Variants in SLC27A2 observed in about 807,000 individuals in gnomAD.
SLC27A2 encodes the protein long-chain fatty acid transport protein 2.
SLC27A2 carries 54 observed loss-of-function variants against 60.0 expected under a neutral mutation model. The observed-to-expected ratio is 0.90, with a 90% CI of 0.72 to 1.13. The LOEUF is 1.13. Ranked by LOEUF, SLC27A2 falls within the 50% of genes most tolerant of loss-of-function variation. SLC27A2 has a pLI of 0.00. For missense variants in SLC27A2, 739 were observed against 777.6 expected (o/e 0.95, Z 0.59); for synonymous variants, 297 against 297.6 (o/e 1.00, Z 0.02).
intron 1 of SLC27A2, among the ~76,000 whole-genome samples, chr15:50,196,578 T>C (rs956818413): frequency 6.6e-6 from 1 of 152,178 alleles, no homozygotes; most frequent in Admixed American, 6.5e-5. Flanking sequence ...AGATAAGCGG[T>C]AGAACTGTCA....
At chr15:50,196,028 T>C (rs1207849730) in intron 1 of SLC27A2, among the ~76,000 whole-genome samples, 1 of 111,258 alleles carries the variant, frequency 9.0e-6, no homozygotes, top group Non-Finnish European at 1.8e-5. Context: ...CACCCCAGCC[T>C]GGGCGACAGA....
chr15:50,196,248 G>A (rs1042791987), intron 1 of SLC27A2, among the ~76,000 whole-genome samples: 2 of 149,854 alleles, frequency 1.3e-5, no homozygotes, highest in African/African-American at 2.5e-5. Flanking sequence ...ATATTAAATC[G>A]GTGCCTTTAA....
chr15:50,227,062 G>GA lies in SLC27A2; in HGVS notation c.1347dup (p.Leu450ThrfsTer6). ...CTGGAGCAAAGGCTCAGACAGAGAA[G>GA]AAAAAACTGAGAGATGTCTTTAAGA... On this transcript the variant is annotated frameshift_variant, in exon 7 of 10. Transcript: ENST00000267842. LOFTEE classifies it high-confidence loss of function. 1.2e-6 allele frequency: 2 copies of GA among 1,614,164 alleles called. No homozygotes were observed. The highest frequency in any genetic ancestry group is 2.2e-5 in the South Asian group (2 of 91,086).
intron 4 of SLC27A2, among the ~76,000 whole-genome samples, chr15:50,212,087 A>AAAAGT: frequency 6.6e-6 from 1 of 151,172 alleles, no homozygotes; most frequent in African/African-American, 2.4e-5. Flanking sequence ...AAAAAAAAAA[A>AAAAGT]AAAGTAAATG....
intron 1 of SLC27A2, among the ~76,000 whole-genome samples, chr15:50,194,261 G>A (rs993558862): frequency 2.0e-5 from 3 of 152,182 alleles, no homozygotes; most frequent in Non-Finnish European, 4.4e-5. Context: ...CAGAGGGAGG[G>A]AAGATAACAG....
At chr15:50,230,958 C>T (rs1311577000) in intron 8 of SLC27A2, among the ~76,000 whole-genome samples, 2 of 152,126 alleles carry the variant, frequency 1.3e-5, no homozygotes, top group South Asian at 2.1e-4. Context: ...TTCTCAGGCC[C>T]ACCCCGAACT....
At chr15:50,203,020 A>AAAT (rs369562703) in intron 3 of SLC27A2, among the ~76,000 whole-genome samples, 5,900 of 147,674 alleles carry the variant, frequency 0.04, 205 homozygotes, top group African/African-American at 0.095. Context: ...CTCTAAAAAA[A>AAAT]ATATATATAT....
Position 50,202,636 on chromosome 15 carries a change from A to G in SLC27A2, c.838A>G (p.Ile280Val), listed in dbSNP as rs745908757. Residue 280 changes from isoleucine to valine, a missense_variant, in exon 3 of 10, where the codon ATT (isoleucine) becomes GTT (valine). Coordinates refer to ENST00000267842, the MANE Select transcript of SLC27A2 (RefSeq NM_003645.4). Reference protein sequence around the residue: ...AALLIGIHGCIVAGATLALRT... With the variant: ...AALLIGIHGCVVAGATLALRT... ...ACTACTGATTGGCATTCACGGATGT[A>G]TTGTGGCTGGTAAGCTTTTTCTACA... 5.6e-6 allele frequency: 9 copies of G among 1,612,324 alleles called. No homozygotes were observed. The highest frequency in any genetic ancestry group is 3.3e-5 in the Admixed American group (2 of 59,968).
chr15:50,228,193 C>T (rs1472038242), intron 7 of SLC27A2, among the ~76,000 whole-genome samples: 1 of 151,994 alleles, frequency 6.6e-6, no homozygotes, highest in East Asian at 1.9e-4. Flanking sequence ...GCCTGGCCAA[C>T]AAGGTAAAAT....
chr15:50,182,234 C>CGGAACCCCCGGCA lies in SLC27A2; in HGVS notation c.-194_-193insGGAACCCCCGGCA. ...ACCCCCGGCAACGCGCATACGACTACACCTGCTCCGGAGCCCGCGGCGGTA... is the reference window on the plus strand; with the variant it reads ...ACCCCCGGCAACGCGCATACGACTACGGAACCCCCGGCAACCTGCTCCGGAGCCCGCGGCGGTA... On this transcript the variant is annotated 5_prime_UTR_variant, in exon 1 of 10. Transcript: ENST00000267842. 1 of 894,540 alleles carries CGGAACCCCCGGCA rather than the reference C, an allele frequency of 1.1e-6. No individual in the cohort carries two copies. Among genetic ancestry groups the CGGAACCCCCGGCA allele is most frequent in the African/African-American group, 1.8e-5 (1 of 56,632 alleles). 55.4% of individuals were successfully genotyped at this position (894,540 alleles called of 1,614,324 possible).
At chr15:50,235,104 T>C (rs2045342172) in intron 9 of SLC27A2, among the ~76,000 whole-genome samples, 1 of 152,170 alleles carries the variant, frequency 6.6e-6, no homozygotes. Flanking sequence ...CTTTTAGACT[T>C]TGAGCTCTGT....
chr15:50,194,310 C>T (rs112633613), intron 1 of SLC27A2, among the ~76,000 whole-genome samples: 3 of 152,222 alleles, frequency 2.0e-5, no homozygotes, highest in African/African-American at 7.2e-5. Context: ...GAAGGATAAG[C>T]AGGAGTTTTC....
At chr15:50,201,149 AT>A (rs1397456448) in intron 2 of SLC27A2, among the ~76,000 whole-genome samples, 2 of 151,980 alleles carry the variant, frequency 1.3e-5, no homozygotes, top group Non-Finnish European at 2.9e-5. Context: ...CACCCAGCTA[AT>A]TTGTTTTACT....
intron 1 of SLC27A2, among the ~76,000 whole-genome samples, chr15:50,189,751 C>T (rs1412009317): frequency 6.6e-6 from 1 of 152,124 alleles, no homozygotes; most frequent in African/African-American, 2.4e-5. Flanking sequence ...TTGAAAAGGA[C>T]CTTCCCACAG....
intron 9 of SLC27A2, among the ~76,000 whole-genome samples, chr15:50,234,325 C>T (rs565250083): frequency 1.3e-5 from 2 of 152,186 alleles, no homozygotes; most frequent in East Asian, 1.9e-4. Context: ...CGGTGGCTCA[C>T]GCCTATAATC....
intron 3 of SLC27A2, among the ~76,000 whole-genome samples, chr15:50,203,525 A>G (rs544231833): frequency 6.6e-6 from 1 of 152,306 alleles, no homozygotes; most frequent in African/African-American, 2.4e-5. Flanking sequence ...TCTTCCAGGA[A>G]GCTATATGTA....
chr15:50,225,873 T>G, intron 5 of SLC27A2, 115 bp from the exon 6 acceptor site: 2 of 659,332 alleles, frequency 3.0e-6, no homozygotes, highest in Non-Finnish European at 5.1e-6. Context: ...TAAGGGTATA[T>G]GCAAATGCAA....
intron 4 of SLC27A2, among the ~76,000 whole-genome samples, chr15:50,220,878 G>A (rs1035657972): frequency 3.9e-5 from 6 of 152,254 alleles, no homozygotes; most frequent in South Asian, 2.1e-4. Flanking sequence ...ATTATAAAGC[G>A]GGGTAGAGTC....
At chr15:50,205,918 G>A (rs2045108507) in intron 4 of SLC27A2, among the ~76,000 whole-genome samples, 1 of 152,060 alleles carries the variant, frequency 6.6e-6, no homozygotes, top group Admixed American at 6.6e-5. Context: ...AAATCTCTGT[G>A]TGACTTTGAA....
Sources: allele counts gnomAD v4.1 joint callset (sites outside exome capture counted in the v4.1 genomes callset), GRCh38; gene constraint gnomAD v4.1.1; transcripts MANE v1.5; gene names NCBI Gene and HGNC (gene_info 2026-07-23, HGNC 2026-07-21).